The following PRKDC variants were observed in gnomAD, a reference collection of about 807,000 sequenced individuals.
PRKDC encodes DNA-dependent protein kinase catalytic subunit.
PRKDC carries 82 observed loss-of-function variants against 486.9 expected under a neutral mutation model. The ratio of observed to expected loss-of-function variants is 0.17; its 90% CI spans 0.14 to 0.20. The LOEUF (loss-of-function observed/expected upper bound fraction) is 0.20. Among genes scored for constraint, PRKDC ranks in the 10% least tolerant of loss-of-function variants. PRKDC has a pLI of 1.00. For missense variants in PRKDC, 4,504 were observed against 5,038.2 expected (o/e 0.89, Z 3.21); for synonymous variants, 1,895 against 1,837.0 (o/e 1.03, Z -0.81).
Position 47,799,302 on chromosome 8 carries a change from C to A in PRKDC, c.10205G>T (p.Ser3402Ile). ...AATCACCCCAGCTGCAGGCCCACAG[C>A]TCCAGGAGGGAGGCTGGGCCTCCTC... ...AEEEAQPPSW[S>I]CGPAAGVIDA... Residue 3402 changes from serine to isoleucine, a missense_variant, in exon 72 of 86, where the codon AGC (serine) becomes ATC (isoleucine). Around this residue, in one of 6 missense-constraint regions of PRKDC, gnomAD observed 706 missense variants for 945.0 expected, o/e 0.75. Transcript: ENST00000314191. 1 of 1,613,576 alleles carries A rather than the reference C, an allele frequency of 6.2e-7. No individual in the cohort carries two copies. Among genetic ancestry groups the A allele is most frequent in the Non-Finnish European group, 8.5e-7 (1 of 1,179,876 alleles).
intron 11 of PRKDC, among the ~76,000 whole-genome samples, chr8:47,937,129 C>T (rs1469051833): frequency 4.0e-5 from 6 of 149,430 alleles, no homozygotes; most frequent in South Asian, 2.1e-4. Context: ...GGCATGGTGG[C>T]GCACAACTGT....
chr8:47,952,067 A>C (rs1312694116), intron 7 of PRKDC, among the ~76,000 whole-genome samples: 3 of 152,248 alleles, frequency 2.0e-5, no homozygotes, highest in Non-Finnish European at 4.4e-5. Flanking sequence ...GATTTCTCAG[A>C]AAATTAAAAC....
At chr8:47,918,902 A>T (rs1467923932) in intron 21 of PRKDC, among the ~76,000 whole-genome samples, 1 of 152,210 alleles carries the variant, frequency 6.6e-6, no homozygotes, top group Non-Finnish European at 1.5e-5. Flanking sequence ...TAAAACTATT[A>T]TGGTGAGCTT....
Position 47,890,434 on chromosome 8 carries a change from TAAG to T in PRKDC, c.3891_3893del (p.Phe1297del). 6.3e-7 allele frequency: 1 copy of T among 1,586,804 alleles called. No individual in the cohort carries two copies. The highest frequency in any genetic ancestry group is 8.6e-7 in the Non-Finnish European group (1 of 1,165,238). On this transcript the variant is annotated inframe_deletion, in exon 32 of 86. Transcript: ENST00000314191. The stretch of plus-strand genomic sequence containing the variant: ...TAATGTCATGCATGGCAATGCTTTC[TAAG>T]AAGAAAGCCACTGCTTTCAAAAGTG...
intron 38 of PRKDC, 115 bp downstream of exon 38, chr8:47,881,301 C>G: frequency 1.5e-6 from 1 of 663,146 alleles, no homozygotes; most frequent in Non-Finnish European, 2.6e-6. Flanking sequence ...TGCTAGTCTC[C>G]CTACATTTGA....
intron 21 of PRKDC, among the ~76,000 whole-genome samples, chr8:47,921,213 C>T (rs1178774084): frequency 6.6e-6 from 1 of 151,850 alleles, no homozygotes; most frequent in Admixed American, 6.6e-5. Context: ...CAAGATCACG[C>T]CACTGCGCTC....
At chr8:47,800,128 A>C (rs1233215728) in intron 71 of PRKDC, among the ~76,000 whole-genome samples, 2 of 150,874 alleles carry the variant, frequency 1.3e-5, no homozygotes, top group Non-Finnish European at 3.0e-5. Context: ...AAAGGACTAT[A>C]AATCATGCTG....
intron 36 of PRKDC, among the ~76,000 whole-genome samples, chr8:47,882,625 C>T (rs1196794945): frequency 2.6e-5 from 4 of 152,156 alleles, no homozygotes; most frequent in African/African-American, 2.4e-5. Context: ...CATGCACACA[C>T]GCAAACGCAC....
intron 58 of PRKDC, 44 bp from the exon 59 acceptor site, chr8:47,834,440 G>A: frequency 6.3e-7 from 1 of 1,598,628 alleles, no homozygotes; most frequent in South Asian, 1.1e-5. Flanking sequence ...GCATCACCCA[G>A]CTCTGTGCAC....
intron 75 of PRKDC, 23 bp from the exon 76 acceptor site, chr8:47,789,072 A>AC: frequency 6.2e-7 from 1 of 1,612,092 alleles, no homozygotes; most frequent in Non-Finnish European, 8.5e-7. Context: ...AAAAAAAGTA[A>AC]GAAAAAAATC....
intron 52 of PRKDC, among the ~76,000 whole-genome samples, chr8:47,851,508 A>T (rs1027960679): frequency 2.6e-5 from 4 of 152,216 alleles, no homozygotes; most frequent in Non-Finnish European, 5.9e-5. Flanking sequence ...GTCCAATCAC[A>T]GCACTGGGCC....
Position 47,782,750 on chromosome 8 carries a change from G to A in PRKDC, c.11176-152C>T. On this transcript the variant is annotated intron_variant, in intron 78 of 85. Transcript: ENST00000314191. This position sits in a 1 kb window ranked among gnomAD's most constrained non-coding sequence, Gnocchi z 4.9. ...GCGCCCAGGCCAGCAACGAATTTCTGCTACCTGCTTGTGCCTGACTGCTGT... is the reference window on the plus strand; with the variant it reads ...GCGCCCAGGCCAGCAACGAATTTCTACTACCTGCTTGTGCCTGACTGCTGT... 1.4e-6 allele frequency: 1 copy of A among 726,238 alleles called. No individual in the cohort carries two copies. Among genetic ancestry groups the A allele is most frequent in the Non-Finnish European group, 2.2e-6 (1 of 448,798 alleles). 45.0% of individuals were successfully genotyped at this position (726,238 alleles called of 1,614,324 possible).
intron 48 of PRKDC, among the ~76,000 whole-genome samples, chr8:47,858,031 C>T (rs1421523872): frequency 6.6e-6 from 1 of 152,210 alleles, no homozygotes; most frequent in Non-Finnish European, 1.5e-5. Context: ...CTACTCCTTC[C>T]CTGCCTAGTG....
intron 80 of PRKDC, among the ~76,000 whole-genome samples, chr8:47,780,647 A>G (rs1488331575): frequency 2.0e-5 from 3 of 152,198 alleles, no homozygotes. Context: ...TTCTTAGGTT[A>G]TAAAACTGTA....
At chr8:47,817,302 G>T in intron 68 of PRKDC, 148 bp downstream of exon 68, 1 of 599,748 alleles carries the variant, frequency 1.7e-6, no homozygotes. Flanking sequence ...GAGCTCTATC[G>T]GAACTACTTA....
rs745799589 is a variant in PRKDC at position 47,826,856 on chromosome 8, A to T, written c.8583T>A (p.Ile2861=). ...TCAGCAGGGCTGCGTGCTGACAGCT[A>T]ATGTCCTGTGAAACCACACATACAA... ...FPPFVSCIQD[I]SCQHAALLSL... Residue 2861 remains isoleucine, a synonymous_variant, in exon 63 of 86, where the codon ATT becomes ATA. Coordinates refer to ENST00000314191, the MANE Select transcript of PRKDC (RefSeq NM_006904.7). 1 of 1,575,942 alleles carries T rather than the reference A, an allele frequency of 6.3e-7. No homozygotes were observed. Among genetic ancestry groups the T allele is most frequent in the South Asian group, 1.1e-5 (1 of 87,274 alleles).
At chr8:47,898,334 C>T in intron 29 of PRKDC, 136 bp downstream of exon 29, 1 of 695,272 alleles carries the variant, frequency 1.4e-6, no homozygotes, top group Admixed American at 2.9e-5. Context: ...AAAACGAACT[C>T]TTCAGACTTC....
chr8:47,821,240 G>C (rs1035773630), intron 65 of PRKDC, among the ~76,000 whole-genome samples: 1 of 152,184 alleles, frequency 6.6e-6, no homozygotes, highest in Non-Finnish European at 1.5e-5. Flanking sequence ...GCACAGTCAG[G>C]ATAGGTATGG....
Position 47,828,262 on chromosome 8 carries a change from T to C in PRKDC, c.8483A>G (p.Glu2828Gly), listed in dbSNP as rs2087782272. The change falls in exon 62 of 86, where the codon GAA (glutamate) becomes GGA (glycine). Residue 2828 changes from glutamate to glycine, a missense_variant. By Grantham distance (98) the Glu-to-Gly change is moderately conservative. This residue lies in a region of PRKDC where 1,592 missense variants were observed against 1,724.6 expected (regional missense o/e 0.92). Transcript: ENST00000314191. ...KEMDKFKTLS[E>G]KNNITQKLLQ... ...CAACTTTTGAGTGATGTTGTTTTTT[T>C]CAGACAGTGTCTTAAATTTATCCAT... 6.2e-7 allele frequency: 1 copy of C among 1,613,456 alleles called. No individual in the cohort carries two copies. Among genetic ancestry groups the C allele is most frequent in the Non-Finnish European group, 8.5e-7 (1 of 1,179,674 alleles).
Sources: allele counts gnomAD v4.1 joint callset (sites outside exome capture counted in the v4.1 genomes callset), GRCh38; gene constraint gnomAD v4.1.1; regional missense constraint gnomAD v4.1.1; non-coding constraint Gnocchi (gnomAD v3.1); transcripts MANE v1.5; gene names NCBI Gene and HGNC (gene_info 2026-07-23, HGNC 2026-07-21).